The following PCSK2 variants were observed in gnomAD, a reference collection of about 807,000 sequenced individuals.
PCSK2 encodes proprotein convertase subtilisin/kexin type 2, also known as neuroendocrine convertase 2.
PCSK2 carries 14 observed loss-of-function variants against 69.7 expected under a neutral mutation model. The observed-to-expected ratio is 0.20, with a 90% CI of 0.13 to 0.31. The LOEUF (loss-of-function observed/expected upper bound fraction) is 0.31, where lower values mean the gene tolerates loss of function less well. PCSK2 is among the 10% of genes least tolerant of loss of function. PCSK2 has a pLI of 1.00. For synonymous variants in PCSK2, 307 were observed against 320.7 expected, an observed-to-expected ratio of 0.96 and a Z score of 0.46; for missense variants, 544 against 842.5, an observed-to-expected ratio of 0.65 and a Z score of 4.39.
intron 5 of PCSK2, among the ~76,000 whole-genome samples, chr20:17,377,492 G>A (rs1030966277): frequency 6.6e-6 from 1 of 152,184 alleles, no homozygotes; most frequent in African/African-American, 2.4e-5. Flanking sequence ...GCAAGAAACC[G>A]GCACAGTACT....
At chr20:17,254,238 C>CT (rs1419875303) in intron 1 of PCSK2, among the ~76,000 whole-genome samples, 1 of 152,094 alleles carries the variant, frequency 6.6e-6, no homozygotes, top group East Asian at 1.9e-4. Flanking sequence ...TGTTCTTACA[C>CT]TTTTGGTGTT....
intron 5 of PCSK2, among the ~76,000 whole-genome samples, chr20:17,405,183 T>TA (rs1380658142): frequency 6.6e-6 from 1 of 152,186 alleles, no homozygotes; most frequent in Admixed American, 6.5e-5. Flanking sequence ...CTACAGTTTC[T>TA]AAAAAATAGG....
chr20:17,251,822 G>T (rs2122977785), intron 1 of PCSK2, among the ~76,000 whole-genome samples: 1 of 152,298 alleles, frequency 6.6e-6, no homozygotes, highest in African/African-American at 2.4e-5. Flanking sequence ...TGGAGGCTCA[G>T]TTGGGAAGAC....
intron 8 of PCSK2, among the ~76,000 whole-genome samples, chr20:17,444,556 C>T (rs2032662309): frequency 6.6e-6 from 1 of 152,104 alleles, no homozygotes; most frequent in South Asian, 2.1e-4. Context: ...AGTCAGAGGC[C>T]CCTGAATTAC....
intron 2 of PCSK2, among the ~76,000 whole-genome samples, chr20:17,352,845 G>C (rs1222150998): frequency 6.6e-6 from 1 of 152,082 alleles, no homozygotes; most frequent in African/African-American, 2.4e-5. Flanking sequence ...AGAATTGACA[G>C]GCGGACCTAA....
chr20:17,381,494 C>T (rs558708126), intron 5 of PCSK2, among the ~76,000 whole-genome samples: 2 of 152,138 alleles, frequency 1.3e-5, no homozygotes, highest in South Asian at 4.2e-4. Context: ...ATTCAAAGAG[C>T]ACTAGTTCAC....
At chr20:17,334,251 C>A (rs1888254032) in intron 2 of PCSK2, among the ~76,000 whole-genome samples, 1 of 152,082 alleles carries the variant, frequency 6.6e-6, no homozygotes, top group African/African-American at 2.4e-5. Flanking sequence ...AGGAATAACG[C>A]CTCTCACTAG....
intron 5 of PCSK2, among the ~76,000 whole-genome samples, chr20:17,386,820 A>C (rs964041074): frequency 6.6e-6 from 1 of 152,190 alleles, no homozygotes; most frequent in Non-Finnish European, 1.5e-5. Context: ...ATCGTTTTTT[A>C]AATCAAGGTA....
At chr20:17,360,840 TATTTTTTGA>T (rs2123214415) in intron 4 of PCSK2, among the ~76,000 whole-genome samples, 200 bp downstream of exon 4, 1 of 152,224 alleles carries the variant, frequency 6.6e-6, no homozygotes, top group South Asian at 2.1e-4. Flanking sequence ...ACTTAACAAA[TATTTTTTGA>T]ATTAATAAAT....
chr20:17,234,560 G>A (rs765043999), intron 1 of PCSK2, among the ~76,000 whole-genome samples: 11 of 152,144 alleles, frequency 7.2e-5, no homozygotes, highest in East Asian at 1.9e-4. Context: ...CCCCAACTTC[G>A]ATATTATCAG....
chr20:17,248,253 C>T (rs952686781), intron 1 of PCSK2, among the ~76,000 whole-genome samples: 12 of 150,912 alleles, frequency 8.0e-5, no homozygotes, highest in African/African-American at 2.0e-4. Context: ...ACTAAATGCC[C>T]GCAGTATGAG....
chr20:17,451,970 G>A (rs566115612), intron 8 of PCSK2, among the ~76,000 whole-genome samples: 1 of 146,168 alleles, frequency 6.8e-6, no homozygotes, highest in Non-Finnish European at 1.5e-5. Context: ...CCGGGCTGGA[G>A]TGCAGTGGCA....
chr20:17,422,341 T>A (rs2032150632), intron 6 of PCSK2, among the ~76,000 whole-genome samples: 1 of 152,084 alleles, frequency 6.6e-6, no homozygotes, highest in African/African-American at 2.4e-5. Flanking sequence ...TCATAGCTGA[T>A]CAAATAGTTA....
intron 2 of PCSK2, among the ~76,000 whole-genome samples, chr20:17,349,976 C>A (rs778847338): frequency 2.0e-5 from 3 of 152,040 alleles, no homozygotes; most frequent in Non-Finnish European, 4.4e-5. Flanking sequence ...CGCGAGGACA[C>A]CTTGTTTTCT....
chr20:17,392,141 T>A lies in PCSK2; in HGVS notation c.544-17122T>A, dbSNP rs16999073. On this transcript the variant is annotated intron_variant, in intron 5 of 11. Coordinates refer to ENST00000262545, the MANE Select transcript of PCSK2 (RefSeq NM_002594.5). The stretch of plus-strand genomic sequence containing the variant: ...TCCCCCAAGGTATTATGTTTTTCCT[T>A]GAATGGAGTCAAACACTTTCTAAAC... Among the ~76,000 whole-genome samples, 1,337 of 152,276 alleles carry A rather than the reference T, an allele frequency of 8.8e-3. 15 individuals carry two copies. The highest frequency in any genetic ancestry group is 0.036 in the South Asian group (176 of 4,826).
At chr20:17,476,699 T>G (rs572524642) in intron 11 of PCSK2, among the ~76,000 whole-genome samples, 17 of 152,232 alleles carry the variant, frequency 1.1e-4, no homozygotes, top group Non-Finnish European at 2.1e-4. Context: ...ACAACTGGAC[T>G]CGTACTCTGA....
chr20:17,379,731 A>T (rs1179174393), intron 5 of PCSK2, among the ~76,000 whole-genome samples: 1 of 152,226 alleles, frequency 6.6e-6, no homozygotes, highest in Non-Finnish European at 1.5e-5. Context: ...TTAGGTTATT[A>T]GATTGCATTA....
At chr20:17,393,573 TTTTTTTTCA>T in intron 5 of PCSK2, among the ~76,000 whole-genome samples, 1 of 152,088 alleles carries the variant, frequency 6.6e-6, no homozygotes, top group South Asian at 2.1e-4. Flanking sequence ...ATTTTTTTTC[TTTTTTTTCA>T]ATCACTATTA....
intron 11 of PCSK2, among the ~76,000 whole-genome samples, chr20:17,467,072 C>A (rs1244709677): frequency 6.6e-6 from 1 of 152,186 alleles, no homozygotes; most frequent in Non-Finnish European, 1.5e-5. Flanking sequence ...TCGAGCCTGG[C>A]CAGAGTCCAA....
Sources: allele counts gnomAD v4.1 joint callset (sites outside exome capture counted in the v4.1 genomes callset), GRCh38; gene constraint gnomAD v4.1.1; transcripts MANE v1.5; gene names NCBI Gene and HGNC (gene_info 2026-07-23, HGNC 2026-07-21).